The following ANO3 variants were observed in gnomAD, a reference collection of about 807,000 sequenced individuals.
The protein encoded by ANO3 is anoctamin 3.
In ANO3, 99 loss-of-function variants were observed where a neutral mutation model predicts 144.8. That is an observed-to-expected ratio of 0.68 (90% CI 0.58 to 0.81). The LOEUF (loss-of-function observed/expected upper bound fraction) is 0.81, where lower values mean the gene tolerates loss of function less well. Among genes scored for constraint, ANO3 ranks in the 30% least tolerant of loss-of-function variants. The pLI is 0.00. For synonymous variants in ANO3, 414 were observed against 392.6 expected (o/e 1.05, Z -0.64); for missense variants, 905 against 1,202.2 (o/e 0.75, Z 3.66).
Position 26,544,251 on chromosome 11 carries a change from C to CACACATATATATATATAT in ANO3, c.1154+2184_1154+2185insCACATATATATATATATA, listed in dbSNP as rs1183023481. On this transcript the variant is annotated intron_variant, in intron 11 of 26. Coordinates refer to ENST00000256737, the MANE Select transcript of ANO3 (RefSeq NM_031418.4). The stretch of plus-strand genomic sequence containing the variant: ...TAAGGTTAAGTAGTATTTCATTATA[C>CACACATATATATATATAT]ATATATATATATATATATATATACA... Among the ~76,000 whole-genome samples, 98 of 38,450 alleles carry CACACATATATATATATAT rather than the reference C, an allele frequency of 2.5e-3. 1 individual carries two copies. Among genetic ancestry groups the CACACATATATATATATAT allele is most frequent in the African/African-American group, 5.9e-3 (88 of 14,996 alleles). 25.2% of individuals were successfully genotyped at this position (38,450 alleles called of 152,430 possible). A position where few individuals can be genotyped will look rare whatever the true frequency, so the allele number is the denominator to read the frequency against.
chr11:26,351,995 C>T (rs887467967), intron 1 of ANO3, among the ~76,000 whole-genome samples: 4 of 152,076 alleles, frequency 2.6e-5, no homozygotes, highest in Non-Finnish European at 4.4e-5. Flanking sequence ...TGTGTCCATA[C>T]GAAATAGAAA....
intron 1 of ANO3, among the ~76,000 whole-genome samples, chr11:26,304,346 A>G (rs1240270666): frequency 6.6e-6 from 1 of 152,150 alleles, no homozygotes; most frequent in East Asian, 1.9e-4. Context: ...TTTATATGTA[A>G]TATAACTAGG....
intron 14 of ANO3, among the ~76,000 whole-genome samples, chr11:26,581,711 A>G (rs1330775615): frequency 1.4e-5 from 2 of 146,680 alleles, no homozygotes; most frequent in Admixed American, 6.8e-5. Flanking sequence ...AAAAAAAAAA[A>G]GGAGAAAAGA....
At chr11:26,311,016 A>G (rs1854490179) in intron 1 of ANO3, among the ~76,000 whole-genome samples, 1 of 152,136 alleles carries the variant, frequency 6.6e-6, no homozygotes, top group African/African-American at 2.4e-5. Flanking sequence ...CTCATATTAA[A>G]TAATACATAC....
chr11:26,624,314 A>G (rs1852512472), intron 17 of ANO3, 148 bp from the exon 18 acceptor site: 6 of 570,112 alleles, frequency 1.1e-5, no homozygotes, highest in Non-Finnish European at 1.9e-5. Flanking sequence ...ATAAAGCCTT[A>G]CATACTAAGT....
chr11:26,606,686 G>C (rs950206122), intron 17 of ANO3, among the ~76,000 whole-genome samples: 1 of 151,890 alleles, frequency 6.6e-6, no homozygotes, highest in East Asian at 1.9e-4. Context: ...TAGGTCTCCT[G>C]AATATAGGAC....
chr11:26,656,193 C>A lies in ANO3; in HGVS notation c.2645C>A (p.Ser882Tyr). The change falls in exon 25 of 27, where the codon TCT becomes TAT. Residue 882 changes from serine to tyrosine, a missense_variant. Ser to Tyr is a moderately radical substitution (Grantham distance 144, BLOSUM62 -2). Around this residue, in one of 4 missense-constraint regions of ANO3, gnomAD observed 597 missense variants for 865.1 expected, o/e 0.69. Coordinates refer to ENST00000256737, the MANE Select transcript of ANO3 (RefSeq NM_031418.4). ...FDLSELGMGK[S>Y]GYCRYRDYRG... is the part of the protein sequence containing the mutation. ...CTGAGTGAGCTTGGTATGGGAAAAT[C>A]TGGTTATTGCAGGTACTTATAATAG... 6.2e-7 allele frequency: 1 copy of A among 1,613,192 alleles called. No homozygotes were observed. The highest frequency in any genetic ancestry group is 1.1e-5 in the South Asian group (1 of 91,064).
intron 1 of ANO3, among the ~76,000 whole-genome samples, chr11:26,337,295 A>G (rs1470956222): frequency 6.6e-6 from 1 of 152,248 alleles, no homozygotes; most frequent in East Asian, 1.9e-4. Flanking sequence ...TAGCAAGAAT[A>G]GTAGTATATG....
chr11:26,449,817 C>G lies in ANO3; in HGVS notation c.313+5981C>G, dbSNP rs552262419. On this transcript the variant is annotated intron_variant, in intron 3 of 26. Transcript: ENST00000256737. ...TGCCCAGGCTGGAGGAGTGCAGTGG[C>G]ACGATCTCGGCTCACTGCAACCTCT... 9.9e-5 allele frequency among the ~76,000 whole-genome samples: 15 copies of G among 151,914 alleles called. No homozygotes were observed. In the East Asian group the frequency reaches 2.5e-3, roughly 26 times the overall value.
At chr11:26,240,591 C>T (rs760758187) in intron 1 of ANO3, among the ~76,000 whole-genome samples, 1 of 152,140 alleles carries the variant, frequency 6.6e-6, no homozygotes, top group Non-Finnish European at 1.5e-5. Flanking sequence ...TTTTAAAATA[C>T]ATAAAATATC....
intron 4 of ANO3, among the ~76,000 whole-genome samples, chr11:26,472,604 T>A (rs183871697): frequency 6.6e-6 from 1 of 151,908 alleles, no homozygotes; most frequent in Admixed American, 6.6e-5. Flanking sequence ...TAGTTAGGGG[T>A]CATGTTCACA....
intron 14 of ANO3, among the ~76,000 whole-genome samples, chr11:26,574,096 C>G (rs1850925618): frequency 6.6e-6 from 1 of 152,178 alleles, no homozygotes; most frequent in Non-Finnish European, 1.5e-5. Flanking sequence ...AGATGACACA[C>G]TGTGCAGTGC....
intron 14 of ANO3, among the ~76,000 whole-genome samples, chr11:26,581,297 G>A (rs951446298): frequency 1.5e-5 from 2 of 137,708 alleles, no homozygotes. Context: ...TGGAAATATG[G>A]TGCAATTCCC....
At chr11:26,554,193 T>C (rs61877019) in intron 13 of ANO3, among the ~76,000 whole-genome samples, 4,379 of 152,266 alleles carry the variant, frequency 0.029, 101 homozygotes, top group Non-Finnish European at 0.047. Flanking sequence ...TGTGTATTTA[T>C]GTATTTTTTT....
chr11:26,574,713 G>A (rs1454375765), intron 14 of ANO3, among the ~76,000 whole-genome samples: 2 of 151,992 alleles, frequency 1.3e-5, no homozygotes, highest in South Asian at 2.1e-4. Context: ...TCTCATAAAT[G>A]CTAATGGTTG....
intron 1 of ANO3, among the ~76,000 whole-genome samples, chr11:26,262,403 C>A: frequency 6.6e-6 from 1 of 152,196 alleles, no homozygotes; most frequent in African/African-American, 2.4e-5. Context: ...CAGTAACCCA[C>A]TATGCTTGTC....
At chr11:26,613,322 C>T (rs914579995) in intron 17 of ANO3, among the ~76,000 whole-genome samples, 7 of 152,092 alleles carry the variant, frequency 4.6e-5, no homozygotes, top group African/African-American at 1.7e-4. Flanking sequence ...TATTCAGCTT[C>T]AAGATTTCTG....
intron 18 of ANO3, among the ~76,000 whole-genome samples, chr11:26,630,304 A>C (rs1158838806): frequency 6.6e-6 from 1 of 152,224 alleles, no homozygotes; most frequent in African/African-American, 2.4e-5. Flanking sequence ...TTAAAGTATT[A>C]TTTGTCTTCA....
At chr11:26,368,611 GAGAT>G (rs1398924284) in intron 1 of ANO3, among the ~76,000 whole-genome samples, 3 of 151,992 alleles carry the variant, frequency 2.0e-5, no homozygotes, top group African/African-American at 7.2e-5. Flanking sequence ...GACAGATTGA[GAGAT>G]AGAGACAGAG....
Sources: gnomAD v4.1 joint callset for allele counts (sites outside exome capture counted in the v4.1 genomes callset) on GRCh38, gnomAD v4.1.1 for gene constraint, gnomAD v4.1.1 regional missense constraint, MANE v1.5 for transcripts, NCBI Gene and HGNC (gene_info 2026-07-23, HGNC 2026-07-21) for gene names.